The following TRPC7 variants were observed in gnomAD, a reference collection of about 807,000 sequenced individuals.
The protein encoded by TRPC7 is short transient receptor potential channel 7.
Under a neutral mutation model 90.1 loss-of-function variants are expected in TRPC7, and 42 were observed. The observed-to-expected ratio is 0.47, with a 90% confidence interval of 0.36 to 0.60. The LOEUF is 0.60. Ranked by LOEUF, TRPC7 falls within the 20% of genes least tolerant of loss-of-function variation. The probability of loss-of-function intolerance (pLI) is 0.00; values close to 1 mark genes in which losing one functional copy is unlikely to be tolerated. For missense variants in TRPC7, 955 were observed against 1,112.3 expected, an observed-to-expected ratio of 0.86 and a Z score of 2.01; for synonymous variants, 451 against 436.3, an observed-to-expected ratio of 1.03 and a Z score of -0.42.
chr5:136,286,784 GACTGTGGGGCAAGA>G (rs1171715988), intron 3 of TRPC7, among the ~76,000 whole-genome samples: 2 of 152,098 alleles, frequency 1.3e-5, no homozygotes, highest in Non-Finnish European at 2.9e-5. Flanking sequence ...TTCTCCATGG[GACTGTGGGGCAAGA>G]ACTCCTTCCT....
intron 2 of TRPC7, among the ~76,000 whole-genome samples, chr5:136,356,165 A>G (rs1325265658): frequency 6.6e-6 from 1 of 152,240 alleles, no homozygotes; most frequent in Non-Finnish European, 1.5e-5. Context: ...TGATCAAGAC[A>G]TTCCAGGATG....
At chr5:136,364,060 C>T (rs1037158258) in intron 1 of TRPC7, among the ~76,000 whole-genome samples, 8 of 152,064 alleles carry the variant, frequency 5.3e-5, no homozygotes, top group Admixed American at 3.9e-4. Flanking sequence ...GAAAGAGAGG[C>T]CCTTATATTA....
Position 136,259,455 on chromosome 5 carries a change from A to G in TRPC7, c.1345+6765T>C, listed in dbSNP as rs143483817. ...GGACACACTCCCAAGCTCTTCTCCT[A>G]TTTAGCATTTTAGACGTATTTTACT... On this transcript the variant is annotated intron_variant, in intron 5 of 11. Coordinates refer to ENST00000513104, the MANE Select transcript of TRPC7 (RefSeq NM_020389.3). Among the ~76,000 whole-genome samples, 49 of 152,298 alleles carry G rather than the reference A, an allele frequency of 3.2e-4. No homozygotes were observed. In the East Asian group the frequency reaches 9.5e-3, roughly 29 times the overall value.
intron 3 of TRPC7, among the ~76,000 whole-genome samples, chr5:136,304,348 G>A (rs905930678): frequency 1.5e-4 from 23 of 151,988 alleles, no homozygotes; most frequent in African/African-American, 2.9e-4. Context: ...GTTATCACTC[G>A]CCTGCTACAG....
chr5:136,237,401 C>T (rs754047253), intron 7 of TRPC7, among the ~76,000 whole-genome samples: 2 of 152,162 alleles, frequency 1.3e-5, no homozygotes, highest in African/African-American at 2.4e-5. Flanking sequence ...TCTTCATCTT[C>T]GAAACTGCAA....
intron 1 of TRPC7, among the ~76,000 whole-genome samples, chr5:136,358,122 A>C (rs1223932117): frequency 6.6e-6 from 1 of 152,216 alleles, no homozygotes; most frequent in Non-Finnish European, 1.5e-5. Flanking sequence ...CACCTATTAA[A>C]GGGCAAGATG....
rs552961376 is a variant in TRPC7 at position 136,338,412 on chromosome 5, C to T, written c.780+18196G>A. On this transcript the variant is annotated intron_variant, in intron 2 of 11. Coordinates refer to ENST00000513104, the MANE Select transcript of TRPC7 (RefSeq NM_020389.3). ...ACAATAACTAGAGCTTGTATCTCAC[C>T]TCTCCAGAGTTCTTGACCATATAGG... Among the ~76,000 whole-genome samples, 3 of 152,320 alleles carry T rather than the reference C, an allele frequency of 2.0e-5. No individual in the cohort carries two copies. In the East Asian group the frequency reaches 5.8e-4, roughly 29 times the overall value.
At chr5:136,284,672 AG>A (rs1757653758) in intron 3 of TRPC7, among the ~76,000 whole-genome samples, 1 of 152,204 alleles carries the variant, frequency 6.6e-6, no homozygotes, top group African/African-American at 2.4e-5. Context: ...GGAGTTGACC[AG>A]GGGTGTCATG....
chr5:136,281,828 A>G (rs1376959045), intron 3 of TRPC7, among the ~76,000 whole-genome samples: 1 of 152,236 alleles, frequency 6.6e-6, no homozygotes, highest in Admixed American at 6.5e-5. Context: ...TTTAAACCTC[A>G]GCAAACTTCT....
Position 136,284,278 on chromosome 5 carries a change from C to T in TRPC7, c.964-9441G>A, listed in dbSNP as rs557334781. Reference sequence around the variant, plus strand: ...TGCTCCCTTTGTCATCAGGGGCCAACCCCCACACCATGATATGTGTGTATG... The same window carrying T: ...TGCTCCCTTTGTCATCAGGGGCCAATCCCCACACCATGATATGTGTGTATG... On this transcript the variant is annotated intron_variant, in intron 3 of 11. Transcript: ENST00000513104. Among the ~76,000 whole-genome samples, 69 of 152,326 alleles carry T rather than the reference C, an allele frequency of 4.5e-4. No homozygotes were observed. The South Asian group carries it at 8.7e-3, about 19-fold the overall frequency.
chr5:136,266,675 T>C (rs1757043854), intron 4 of TRPC7, among the ~76,000 whole-genome samples: 1 of 152,164 alleles, frequency 6.6e-6, no homozygotes, highest in Admixed American at 6.5e-5. Context: ...GAGAAATTGA[T>C]AGAACACACC....
chr5:136,324,641 T>C (rs1276924706), intron 2 of TRPC7, among the ~76,000 whole-genome samples: 1 of 152,218 alleles, frequency 6.6e-6, no homozygotes, highest in African/African-American at 2.4e-5. Context: ...TTGATACCTT[T>C]AACTTTTGAT....
intron 7 of TRPC7, among the ~76,000 whole-genome samples, chr5:136,243,301 A>G (rs534199055): frequency 3.4e-5 from 5 of 148,448 alleles, no homozygotes; most frequent in East Asian, 4.2e-4. Flanking sequence ...AGAGACTCCA[A>G]TTGCCCTTGG....
chr5:136,339,345 G>C (rs1759770957), intron 2 of TRPC7, among the ~76,000 whole-genome samples: 1 of 152,176 alleles, frequency 6.6e-6, no homozygotes, highest in African/African-American at 2.4e-5. Flanking sequence ...TTGGCCACAA[G>C]GTTAGAATTA....
intron 10 of TRPC7, among the ~76,000 whole-genome samples, chr5:136,220,362 G>A (rs1561676355): frequency 6.6e-6 from 1 of 152,232 alleles, no homozygotes; most frequent in East Asian, 1.9e-4. Context: ...TCCTAGCAAG[G>A]AATATTAATA....
intron 3 of TRPC7, among the ~76,000 whole-genome samples, chr5:136,277,150 CA>C (rs1757391208): frequency 6.6e-6 from 1 of 152,238 alleles, no homozygotes; most frequent in South Asian, 2.1e-4. Flanking sequence ...GTCAGCACCG[CA>C]GATTGGGCAG....
At chr5:136,227,954 A>C (rs1755683376) in intron 8 of TRPC7, among the ~76,000 whole-genome samples, 2 of 152,210 alleles carry the variant, frequency 1.3e-5, no homozygotes. Flanking sequence ...TAGGCCTGGT[A>C]GTCAACCTTC....
At chr5:136,302,872 C>T (rs1752605279) in intron 3 of TRPC7, among the ~76,000 whole-genome samples, 1 of 151,726 alleles carries the variant, frequency 6.6e-6, no homozygotes, top group African/African-American at 2.4e-5. Context: ...CCCAAATCTT[C>T]CTTCTTTCCC....
At chr5:136,265,212 T>C (rs1363546958) in intron 5 of TRPC7, among the ~76,000 whole-genome samples, 2 of 152,230 alleles carry the variant, frequency 1.3e-5, no homozygotes, top group East Asian at 1.9e-4. Context: ...ATGAAAATTA[T>C]ACCAATATTA....
Sources: allele counts gnomAD v4.1 joint callset (sites outside exome capture counted in the v4.1 genomes callset), GRCh38; gene constraint gnomAD v4.1.1; transcripts MANE v1.5; gene names NCBI Gene and HGNC (gene_info 2026-07-23, HGNC 2026-07-21).